The following PLXNA4 variants were observed in gnomAD, a reference collection of about 807,000 sequenced individuals.
PLXNA4 encodes plexin A4.
In PLXNA4, 44 loss-of-function variants were observed where a neutral mutation model predicts 191.8. That is an observed-to-expected ratio of 0.23 (90% CI 0.18 to 0.29). PLXNA4 has a LOEUF of 0.29. Among genes scored for constraint, PLXNA4 ranks in the 10% least tolerant of loss-of-function variants. PLXNA4 has a pLI of 1.00. For missense variants in PLXNA4, 1,800 were observed against 2,488.8 expected, an observed-to-expected ratio of 0.72 and a Z score of 5.89; for synonymous variants, 1,082 against 1,009.5, an observed-to-expected ratio of 1.07 and a Z score of -1.36.
At chr7:132,571,578 C>T (rs1801980906) in intron 1 of PLXNA4, among the ~76,000 whole-genome samples, 1 of 152,078 alleles carries the variant, frequency 6.6e-6, no homozygotes, top group South Asian at 2.1e-4. Context: ...AATCTTTGCC[C>T]AAGAGTGAAA....
intron 3 of PLXNA4, among the ~76,000 whole-genome samples, chr7:132,358,624 C>G (rs1335139839): frequency 6.6e-6 from 1 of 152,166 alleles, no homozygotes; most frequent in Non-Finnish European, 1.5e-5. Flanking sequence ...GTTCATTCAA[C>G]AAATATTAAG....
Position 132,159,459 on chromosome 7 carries a change from G to A in PLXNA4, c.4660+14C>T. 6.2e-7 allele frequency: 1 copy of A among 1,613,572 alleles called. No homozygotes were observed. The highest frequency in any genetic ancestry group is 8.5e-7 in the Non-Finnish European group (1 of 1,179,698). ...CAGCCACAAGGACAGCCCCTGGGTG[G>A]ACAGCCTACTCACCCAGATCCATAT... is the stretch of plus-strand genomic sequence containing the variant. On this transcript the variant is annotated intron_variant, in intron 25 of 31. Transcript: ENST00000321063.
At chr7:132,441,981 C>A (rs964804594) in intron 3 of PLXNA4, among the ~76,000 whole-genome samples, 1 of 152,170 alleles carries the variant, frequency 6.6e-6, no homozygotes, top group Non-Finnish European at 1.5e-5. Context: ...AAATCACATG[C>A]AAGAGTGACA....
rs1290259212 is a variant in PLXNA4 at position 132,526,033 on chromosome 7, C to G, written c.-86-17254G>C. ...TGGGAAATGCTGGCATGTTGGTTTC[C>G]ATTCCTCAAGGCACTTTCACATCTA... On this transcript the variant is annotated intron_variant, in intron 1 of 31. Coordinates refer to ENST00000321063, the MANE Select transcript of PLXNA4 (RefSeq NM_020911.2). Among the ~76,000 whole-genome samples, 3 of 152,230 alleles carry G rather than the reference C, an allele frequency of 2.0e-5. No homozygotes were observed. In the East Asian group the frequency reaches 5.8e-4, roughly 29 times the overall value.
intron 5 of PLXNA4, among the ~76,000 whole-genome samples, chr7:132,231,676 C>T (rs532703957): frequency 2.0e-5 from 3 of 152,336 alleles, no homozygotes; most frequent in East Asian, 1.9e-4. Context: ...CCACTCATCT[C>T]GGCCTCCTAG....
intron 3 of PLXNA4, chr7:132,352,417 C>T (rs370275243): frequency 6.6e-6 from 1 of 152,282 alleles, no homozygotes; most frequent in African/African-American, 2.4e-5. Context: ...CCAGCCTCCC[C>T]CTCCTGCTTC....
intron 3 of PLXNA4, chr7:132,367,888 C>G (rs776597982): frequency 6.6e-6 from 1 of 152,158 alleles, no homozygotes; most frequent in Non-Finnish European, 1.5e-5. Context: ...ATAAGAGAGC[C>G]GAGGACCAGG....
chr7:132,380,106 C>A (rs956329598), intron 3 of PLXNA4, among the ~76,000 whole-genome samples: 7 of 152,312 alleles, frequency 4.6e-5, no homozygotes, highest in Admixed American at 1.3e-4. Flanking sequence ...AAACTGGCCC[C>A]ATATGGGATT....
chr7:132,203,443 AAAG>A (rs1410373847), intron 10 of PLXNA4, 24 bp from the exon 11 acceptor site: 3 of 1,604,068 alleles, frequency 1.9e-6, no homozygotes, highest in Non-Finnish European at 2.6e-6. Context: ...GGGGAGGAGG[AAAG>A]AAGAAAGTGG....
At chr7:132,631,542 T>C (rs932293211) in intron 2 of PLXNA4, among the ~76,000 whole-genome samples, 2 of 152,186 alleles carry the variant, frequency 1.3e-5, no homozygotes, top group Non-Finnish European at 2.9e-5. Flanking sequence ...ACACATTGAC[T>C]AGTGAGTGTC....
intron 4 of PLXNA4, among the ~76,000 whole-genome samples, chr7:132,242,563 CT>C (rs1290370596): frequency 6.6e-6 from 1 of 152,080 alleles, no homozygotes; most frequent in Non-Finnish European, 1.5e-5. Context: ...CTTTATGCAT[CT>C]TTTTGTTCTC....
chr7:132,346,218 G>T (rs1057334282), intron 3 of PLXNA4, among the ~76,000 whole-genome samples: 1 of 152,178 alleles, frequency 6.6e-6, no homozygotes, highest in East Asian at 1.9e-4. Context: ...AACTTCATGG[G>T]ATGGTTGCAA....
intron 2 of PLXNA4, among the ~76,000 whole-genome samples, chr7:132,591,069 A>T (rs1412605350): frequency 1.3e-5 from 2 of 152,152 alleles, no homozygotes; most frequent in Non-Finnish European, 2.9e-5. Flanking sequence ...TCCAAGCTGC[A>T]AGGGAGGCTG....
At chr7:132,534,149 G>A (rs769655852) in intron 1 of PLXNA4, among the ~76,000 whole-genome samples, 1 of 152,102 alleles carries the variant, frequency 6.6e-6, no homozygotes, top group African/African-American at 2.4e-5. Context: ...AAAGAGGAGA[G>A]GGGAACAGGA....
intron 2 of PLXNA4, among the ~76,000 whole-genome samples, chr7:132,615,446 G>C (rs1045835098): frequency 2.6e-5 from 4 of 152,138 alleles, no homozygotes; most frequent in South Asian, 4.1e-4. Context: ...CACCGCAGGC[G>C]GCCCGCAGTG....
intron 3 of PLXNA4, among the ~76,000 whole-genome samples, chr7:132,481,204 G>A (rs1797320960): frequency 6.6e-6 from 1 of 152,056 alleles, no homozygotes; most frequent in Non-Finnish European, 1.5e-5. Flanking sequence ...GATTAAAGAG[G>A]GGAAAATCAG....
chr7:132,620,501 C>T (rs953389136), intron 2 of PLXNA4, among the ~76,000 whole-genome samples: 11 of 152,034 alleles, frequency 7.2e-5, no homozygotes, highest in African/African-American at 2.7e-4. Context: ...TTATTAAAAT[C>T]CAAACAATAA....
intron 2 of PLXNA4, among the ~76,000 whole-genome samples, chr7:132,601,697 A>G (rs1433263463): frequency 6.6e-6 from 1 of 152,182 alleles, no homozygotes; most frequent in East Asian, 1.9e-4. Context: ...TTTATGAAAG[A>G]ACTCCTCTGT....
At chr7:132,432,718 C>T (rs188310992) in intron 3 of PLXNA4, among the ~76,000 whole-genome samples, 4 of 152,204 alleles carry the variant, frequency 2.6e-5, no homozygotes, top group Non-Finnish European at 5.9e-5. Context: ...TTGGATAGTG[C>T]GTTCACTTTT....
Sources: gnomAD v4.1 joint callset for allele counts (sites outside exome capture counted in the v4.1 genomes callset) on GRCh38, gnomAD v4.1.1 for gene constraint, MANE v1.5 for transcripts, NCBI Gene and HGNC (gene_info 2026-07-23, HGNC 2026-07-21) for gene names.